SSBP3: variants seen among roughly 807,000 people sequenced by gnomAD.
The protein encoded by SSBP3 is single stranded DNA binding protein 3.
In SSBP3, 5 loss-of-function variants were observed where a neutral mutation model predicts 69.6. That is an observed-to-expected ratio of 0.07 (90% CI 0.04 to 0.15). SSBP3 has a LOEUF of 0.15. Ranked by LOEUF, SSBP3 falls within the 10% of genes least tolerant of loss-of-function variation. The pLI is 1.00. For synonymous variants in SSBP3, 196 were observed against 193.4 expected, an observed-to-expected ratio of 1.01 and a Z score of -0.11; for missense variants, 312 against 534.0, an observed-to-expected ratio of 0.58 and a Z score of 4.10.
chr1:54,240,120 G>GCA (rs1557449260), intron 13 of SSBP3, among the ~76,000 whole-genome samples: 2 of 103,618 alleles, frequency 1.9e-5, no homozygotes, highest in Non-Finnish European at 4.2e-5. Flanking sequence ...GCGCGCGCGC[G>GCA]CAACACATGC....
chr1:54,241,728 TC>T (rs1644642089), intron 11 of SSBP3, among the ~76,000 whole-genome samples: 2 of 152,190 alleles, frequency 1.3e-5, no homozygotes, highest in South Asian at 4.1e-4. Flanking sequence ...TACTCCCCAG[TC>T]CTGGGAGGGA....
At chr1:54,238,008 C>T in intron 14 of SSBP3, 1 of 386,850 alleles carries the variant, frequency 2.6e-6, no homozygotes, top group East Asian at 7.4e-5. Context: ...ATACTTTCCA[C>T]CCAACCTTCT....
At chr1:54,276,426 C>G (rs1302197497) in intron 5 of SSBP3, among the ~76,000 whole-genome samples, 3 of 151,828 alleles carry the variant, frequency 2.0e-5, no homozygotes, top group African/African-American at 7.3e-5. Flanking sequence ...GCCTGGCCAG[C>G]ATGGTGAAAC....
intron 4 of SSBP3, among the ~76,000 whole-genome samples, chr1:54,380,982 T>C (rs1269859599): frequency 6.6e-6 from 1 of 150,926 alleles, no homozygotes; most frequent in African/African-American, 2.4e-5. Context: ...GACAATTAGC[T>C]GGGCATGGTG....
At chr1:54,319,327 C>T (rs1646171970) in intron 4 of SSBP3, among the ~76,000 whole-genome samples, 2 of 152,118 alleles carry the variant, frequency 1.3e-5, no homozygotes. Context: ...TCTCCCCACC[C>T]TCACCATTAA....
At chr1:54,310,829 G>T (rs533095576) in intron 4 of SSBP3, among the ~76,000 whole-genome samples, 9 of 152,090 alleles carry the variant, frequency 5.9e-5, no homozygotes, top group South Asian at 2.1e-4. Flanking sequence ...CTGTGAGGAT[G>T]GGGGGAGAAC....
At chr1:54,274,454 G>T (rs1286389393) in intron 5 of SSBP3, among the ~76,000 whole-genome samples, 1 of 152,066 alleles carries the variant, frequency 6.6e-6, no homozygotes, top group East Asian at 1.9e-4. Flanking sequence ...TGGGGTGGGT[G>T]GGGAGGGCTA....
chr1:54,371,712 T>C (rs1647137737), intron 4 of SSBP3, among the ~76,000 whole-genome samples: 1 of 152,190 alleles, frequency 6.6e-6, no homozygotes, highest in South Asian at 2.1e-4. Context: ...ACAGGGACTG[T>C]GCATGTGCCG....
intron 14 of SSBP3, among the ~76,000 whole-genome samples, chr1:54,231,726 ACT>A (rs1202217099): frequency 2.6e-5 from 4 of 151,996 alleles, no homozygotes; most frequent in African/African-American, 4.8e-5. Flanking sequence ...ACGGGTTCTC[ACT>A]CTGTCGGCCA....
Position 54,337,855 on chromosome 1 carries a change from A to G in SSBP3, c.277-56328T>C, listed in dbSNP as rs1321706828. On this transcript the variant is annotated intron_variant, in intron 4 of 17. Coordinates refer to ENST00000610401, the Ensembl canonical transcript of SSBP3. The stretch of plus-strand genomic sequence containing the variant: ...CATAAAAAATAAAATCTGGCTGAGC[A>G]TGGTGGCTCACGTCTGTAACCCCAA... 3.9e-5 allele frequency among the ~76,000 whole-genome samples: 6 copies of G among 152,130 alleles called. No individual in the cohort carries two copies. The East Asian group carries it at 9.7e-4, about 25-fold the overall frequency.
Position 54,373,769 on chromosome 1 carries a change from GA to G in SSBP3, c.276+28091del, listed in dbSNP as rs567212062. Among the ~76,000 whole-genome samples, 418 of 104,490 alleles carry G rather than the reference GA, an allele frequency of 4.0e-3. 3 individuals carry two copies. Among genetic ancestry groups the G allele is most frequent in the Middle Eastern group, 0.023 (5 of 220 alleles). 68.5% of individuals were successfully genotyped at this position (104,490 alleles called of 152,430 possible). The stretch of plus-strand genomic sequence containing the variant: ...GTGACAGAGTAAGACCCTGTTTCAA[GA>G]AAAAAAAAAAAAAAAACAGGAATGC... On this transcript the variant is annotated intron_variant, in intron 4 of 17. Coordinates refer to ENST00000610401, the Ensembl canonical transcript of SSBP3.
intron 4 of SSBP3, among the ~76,000 whole-genome samples, chr1:54,320,564 C>A (rs1646193719): frequency 6.6e-6 from 1 of 152,150 alleles, no homozygotes. Context: ...GTGATCCGCC[C>A]ACCTCAGCCT....
intron 4 of SSBP3, among the ~76,000 whole-genome samples, chr1:54,401,444 G>A (rs1649294074): frequency 6.6e-6 from 1 of 152,068 alleles, no homozygotes; most frequent in South Asian, 2.1e-4. Context: ...TAGAGCAAGA[G>A]AGTCCATTCC....
At chr1:54,231,363 T>A (rs928677388) in intron 14 of SSBP3, among the ~76,000 whole-genome samples, 2 of 152,264 alleles carry the variant, frequency 1.3e-5, no homozygotes, top group Admixed American at 6.5e-5. Context: ...TAGATCCTTG[T>A]CCCATTTTTA....
At chr1:54,349,421 T>C (rs974321540) in intron 4 of SSBP3, among the ~76,000 whole-genome samples, 2 of 152,144 alleles carry the variant, frequency 1.3e-5, no homozygotes, top group Non-Finnish European at 2.9e-5. Flanking sequence ...TGCAGAAATA[T>C]CAAAACTGCA....
intron 4 of SSBP3, among the ~76,000 whole-genome samples, chr1:54,400,972 T>C (rs1181435897): frequency 6.6e-6 from 1 of 152,154 alleles, no homozygotes; most frequent in Non-Finnish European, 1.5e-5. Context: ...GACCATTAGA[T>C]CACCTGCTAT....
intron 14 of SSBP3, chr1:54,238,638 G>A: frequency 3.2e-6 from 1 of 314,888 alleles, no homozygotes; most frequent in East Asian, 8.7e-5. Context: ...ACTCTGAGAG[G>A]CAAAGAAGCT....
intron 4 of SSBP3, among the ~76,000 whole-genome samples, chr1:54,367,732 T>C (rs1647051644): frequency 6.6e-6 from 1 of 152,228 alleles, no homozygotes; most frequent in South Asian, 2.1e-4. Flanking sequence ...AAATCACTCT[T>C]AAGCAATGTG....
chr1:54,376,285 C>A (rs1423959706), intron 4 of SSBP3, among the ~76,000 whole-genome samples: 3 of 152,186 alleles, frequency 2.0e-5, no homozygotes. Context: ...CCCCACCCTA[C>A]CCCTTTCCTC....
Sources: allele counts gnomAD v4.1 joint callset (sites outside exome capture counted in the v4.1 genomes callset), GRCh38; gene constraint gnomAD v4.1.1; transcripts MANE v1.5; gene names NCBI Gene and HGNC (gene_info 2026-07-23, HGNC 2026-07-21).